ZFAT: variants seen among roughly 807,000 people sequenced by gnomAD.
ZFAT encodes zinc finger and AT-hook domain containing, also known as zinc finger protein ZFAT.
A neutral mutation model predicts 117.7 loss-of-function variants in ZFAT; 64 were observed. The ratio of observed to expected loss-of-function variants is 0.54; its 90% CI spans 0.44 to 0.67. ZFAT has a LOEUF of 0.67. Ranked by LOEUF, ZFAT falls within the 30% of genes least tolerant of loss-of-function variation. The pLI, the probability that ZFAT is intolerant of heterozygous loss-of-function variation, is 0.00. For missense variants in ZFAT, 1,433 were observed against 1,584.5 expected (o/e 0.90, Z 1.62); for synonymous variants, 679 against 615.0 (o/e 1.10, Z -1.54).
chr8:134,498,224 C>A (rs1292706213), intron 15 of ZFAT, among the ~76,000 whole-genome samples: 2 of 72,020 alleles, frequency 2.8e-5, no homozygotes, highest in Admixed American at 1.5e-4. Context: ...GGGATGCCCC[C>A]GTTGCTGGTT....
Position 134,651,938 on chromosome 8 carries a change from T to C in ZFAT, c.196+5623A>G, listed in dbSNP as rs1486627581. ...ATCCTAACAACAATAAAAGCCAGGA[T>C]TCAATGAAATAATATTTTCAATGTG... On this transcript the variant is annotated intron_variant, in intron 2 of 15. Coordinates refer to ENST00000377838, the MANE Select transcript of ZFAT (RefSeq NM_020863.4). 7.2e-5 allele frequency among the ~76,000 whole-genome samples: 11 copies of C among 151,938 alleles called. 2 individuals carry two copies. The highest frequency in any genetic ancestry group is 7.2e-4 in the Admixed American group (11 of 15,270).
At chr8:134,570,474 A>G (rs1824809209) in intron 10 of ZFAT, among the ~76,000 whole-genome samples, 2 of 151,950 alleles carry the variant, frequency 1.3e-5, no homozygotes, top group Admixed American at 1.3e-4. Flanking sequence ...ATGACAGTGG[A>G]GATTTTGGGT....
intron 2 of ZFAT, among the ~76,000 whole-genome samples, chr8:134,644,668 G>A (rs543783215): frequency 6.6e-6 from 1 of 151,200 alleles, no homozygotes; most frequent in African/African-American, 2.4e-5. Flanking sequence ...ACTTACACAT[G>A]TGCCCACAAC....
At chr8:134,529,048 G>A (rs1821222858) in intron 12 of ZFAT, among the ~76,000 whole-genome samples, 1 of 152,216 alleles carries the variant, frequency 6.6e-6, no homozygotes, top group Non-Finnish European at 1.5e-5. Context: ...TGCTGTGGAG[G>A]TAGGTTATGA....
the ZFAT span, among the ~76,000 whole-genome samples, chr8:134,753,909 A>G: frequency 6.6e-6 from 1 of 152,226 alleles, no homozygotes; most frequent in African/African-American, 2.4e-5. Flanking sequence ...GAAAATGAAA[A>G]AACAACCAGT....
At chr8:134,683,702 A>AGACC (rs1288711042) in intron 1 of ZFAT, among the ~76,000 whole-genome samples, 1 of 152,136 alleles carries the variant, frequency 6.6e-6, no homozygotes, top group Admixed American at 6.5e-5. Context: ...CCCCCGCCAC[A>AGACC]GACCGGTACC....
At chr8:134,610,355 G>T in intron 4 of ZFAT, 115 bp downstream of exon 4, 1 of 1,143,380 alleles carries the variant, frequency 8.7e-7, no homozygotes, top group East Asian at 2.6e-5. Context: ...TGATTAAATG[G>T]AGAGCCCCAC....
chr8:134,771,511 T>C, the ZFAT span, among the ~76,000 whole-genome samples: 1 of 152,222 alleles, frequency 6.6e-6, no homozygotes, highest in Non-Finnish European at 1.5e-5. Flanking sequence ...TCTGCTCCAA[T>C]TCCCAACAAG....
At chr8:134,770,483 C>G in the ZFAT span, among the ~76,000 whole-genome samples, 1 of 152,158 alleles carries the variant, frequency 6.6e-6, no homozygotes, top group African/African-American at 2.4e-5. Context: ...CTATGCCTGT[C>G]TTTACTTTAA....
chr8:134,677,878 C>A (rs1009322068), intron 1 of ZFAT, among the ~76,000 whole-genome samples: 2 of 152,156 alleles, frequency 1.3e-5, no homozygotes, highest in Non-Finnish European at 2.9e-5. Context: ...GCTGAAAAGG[C>A]CTTCGACAAA....
chr8:134,805,871 G>C, the ZFAT span, among the ~76,000 whole-genome samples: 1 of 152,042 alleles, frequency 6.6e-6, no homozygotes, highest in Admixed American at 6.6e-5. Flanking sequence ...CCAGCTATTC[G>C]GGAGGCTGAG....
the ZFAT span, among the ~76,000 whole-genome samples, chr8:134,810,719 T>C: frequency 3.3e-5 from 5 of 150,438 alleles, no homozygotes; most frequent in Admixed American, 1.3e-4. Flanking sequence ...TCTCACAGAA[T>C]AGTTGTGAAT....
chr8:134,679,361 G>C (rs936526628), intron 1 of ZFAT, among the ~76,000 whole-genome samples: 2 of 152,208 alleles, frequency 1.3e-5, no homozygotes, highest in African/African-American at 2.4e-5. Flanking sequence ...CTGGTTGTTA[G>C]AGAAATGCAA....
At chr8:134,648,163 C>T (rs1197177794) in intron 2 of ZFAT, among the ~76,000 whole-genome samples, 1 of 151,338 alleles carries the variant, frequency 6.6e-6, no homozygotes, top group African/African-American at 2.4e-5. Context: ...ACAATTTTGT[C>T]AAGTATACCT....
chr8:134,533,042 T>C lies in ZFAT; in HGVS notation c.2977-70A>G. 6 of 1,535,014 alleles carry C rather than the reference T, an allele frequency of 3.9e-6. 1 individual carries two copies. In the South Asian group the frequency reaches 7.2e-5, roughly 19 times the overall value. ...GTCTGCCTTCGCTGCTGCTCCCACC[T>C]GGTGAGCATCTGACACCCTGAAAGC... On this transcript the variant is annotated intron_variant, in intron 11 of 15. Coordinates refer to ENST00000377838, the MANE Select transcript of ZFAT (RefSeq NM_020863.4).
intron 1 of ZFAT, among the ~76,000 whole-genome samples, chr8:134,658,443 G>A (rs567586232): frequency 7.6e-4 from 116 of 151,656 alleles, no homozygotes; most frequent in East Asian, 3.9e-4. Flanking sequence ...CTCAAATTAC[G>A]CACAAGGAAA....
the ZFAT span, among the ~76,000 whole-genome samples, chr8:134,814,588 T>C: frequency 6.6e-6 from 1 of 152,146 alleles, no homozygotes. Context: ...GGCAATATAA[T>C]ATATATTAAA....
chr8:134,619,532 C>T (rs1402438462), intron 3 of ZFAT, among the ~76,000 whole-genome samples: 1 of 152,130 alleles, frequency 6.6e-6, no homozygotes, highest in Non-Finnish European at 1.5e-5. Context: ...TATTTGTTTA[C>T]TTATTTCTTG....
At chr8:134,617,629 C>A (rs1337364843) in intron 3 of ZFAT, among the ~76,000 whole-genome samples, 2 of 152,160 alleles carry the variant, frequency 1.3e-5, no homozygotes, top group Admixed American at 1.3e-4. Flanking sequence ...ACGCGACCAT[C>A]TCAAAGGAAT....
Sources: gnomAD v4.1 joint callset for allele counts (sites outside exome capture counted in the v4.1 genomes callset) on GRCh38, gnomAD v4.1.1 for gene constraint, MANE v1.5 for transcripts, NCBI Gene and HGNC (gene_info 2026-07-23, HGNC 2026-07-21) for gene names.